The following CTNND2 variants were observed in gnomAD, a reference collection of about 807,000 sequenced individuals.
The protein encoded by CTNND2 is catenin delta-2.
A neutral mutation model predicts 144.4 loss-of-function variants in CTNND2; 22 were observed. That is an observed-to-expected ratio of 0.15 (90% confidence interval 0.11 to 0.22). The LOEUF is 0.22. Among genes scored for constraint, CTNND2 ranks in the 10% least tolerant of loss-of-function variants. The probability of loss-of-function intolerance (pLI) is 1.00; values close to 1 mark genes in which losing one functional copy is unlikely to be tolerated. For missense variants in CTNND2, 1,353 were observed against 1,618.8 expected (o/e 0.84, Z 2.82); for synonymous variants, 751 against 695.6 (o/e 1.08, Z -1.25).
intron 2 of CTNND2, among the ~76,000 whole-genome samples, chr5:11,612,548 A>G (rs576215917): frequency 2.6e-5 from 4 of 152,170 alleles, no homozygotes; most frequent in Non-Finnish European, 5.9e-5. Context: ...ACATAGCTGA[A>G]AGCAACAGCA....
intron 3 of CTNND2, among the ~76,000 whole-genome samples, chr5:11,504,696 C>T (rs539610573): frequency 9.2e-5 from 14 of 152,282 alleles, no homozygotes; most frequent in Admixed American, 4.6e-4. Flanking sequence ...GGAGCTGATG[C>T]TTGCCTTTTT....
intron 2 of CTNND2, among the ~76,000 whole-genome samples, chr5:11,694,758 C>T (rs941008659): frequency 6.6e-6 from 1 of 152,198 alleles, no homozygotes; most frequent in African/African-American, 2.4e-5. Context: ...CTGCATATCT[C>T]TCCTCTCTCC....
intron 16 of CTNND2, among the ~76,000 whole-genome samples, chr5:11,081,278 A>C (rs1425862316): frequency 1.3e-5 from 2 of 152,214 alleles, no homozygotes; most frequent in South Asian, 4.1e-4. Flanking sequence ...GTTAATAATA[A>C]TGTATTTTAT....
intron 2 of CTNND2, among the ~76,000 whole-genome samples, chr5:11,580,208 A>G (rs964249703): frequency 1.1e-4 from 16 of 152,102 alleles, no homozygotes; most frequent in Admixed American, 6.5e-4. Context: ...TACTATCACC[A>G]TTATTATAAC....
chr5:11,346,044 C>T lies in CTNND2; in HGVS notation c.1628+328G>A, dbSNP rs4702799. ...CACTGAGACAATAAAATATGTAGGC[C>T]ATGATATCTGAAGTCAAATGACATA... On this transcript the variant is annotated intron_variant, in intron 9 of 21. Transcript: ENST00000304623. 0.39 allele frequency among the ~76,000 whole-genome samples: 58,895 copies of T among 151,848 alleles called. 11,782 individuals carry two copies. The highest frequency in any genetic ancestry group is 0.5 in the Middle Eastern group (147 of 294).
intron 2 of CTNND2, among the ~76,000 whole-genome samples, chr5:11,601,692 T>C (rs1779805652): frequency 6.6e-6 from 1 of 152,198 alleles, no homozygotes; most frequent in African/African-American, 2.4e-5. Context: ...ACATAAATTA[T>C]CACTTTTGAT....
chr5:11,307,700 T>G (rs1185521780), intron 9 of CTNND2, among the ~76,000 whole-genome samples: 1 of 152,200 alleles, frequency 6.6e-6, no homozygotes, highest in Non-Finnish European at 1.5e-5. Flanking sequence ...TAGAAGATTT[T>G]CAAGACAAAC....
intron 2 of CTNND2, among the ~76,000 whole-genome samples, chr5:11,706,474 G>C (rs1785698647): frequency 2.6e-5 from 4 of 152,000 alleles, no homozygotes; most frequent in Admixed American, 1.3e-4. Flanking sequence ...TCCTTCTTAG[G>C]TATAAAGTTT....
At chr5:11,759,898 A>G (rs1278020975) in intron 1 of CTNND2, among the ~76,000 whole-genome samples, 3 of 152,054 alleles carry the variant, frequency 2.0e-5, no homozygotes, top group Non-Finnish European at 4.4e-5. Context: ...TTGAACTCAC[A>G]TGGCCTATGG....
rs113263160 is a variant in CTNND2 at position 11,848,760 on chromosome 5, T to C, written c.37+55057A>G. ...GCATATGGTATATGTGGATTGTGTATCATGTGAGTCAAATCCTGACCCAAA... is the reference window on the plus strand; with the variant it reads ...GCATATGGTATATGTGGATTGTGTACCATGTGAGTCAAATCCTGACCCAAA... On this transcript the variant is annotated intron_variant, in intron 1 of 21. Coordinates refer to ENST00000304623, the MANE Select transcript of CTNND2 (RefSeq NM_001332.4). Among the ~76,000 whole-genome samples, 585 of 152,264 alleles carry C rather than the reference T, an allele frequency of 3.8e-3. 7 individuals are homozygous for C. Among genetic ancestry groups the C allele is most frequent in the African/African-American group, 0.013 (523 of 41,548 alleles).
At chr5:11,084,264 G>C (rs376677634) in intron 15 of CTNND2, among the ~76,000 whole-genome samples, 6 of 152,322 alleles carry the variant, frequency 3.9e-5, no homozygotes, top group African/African-American at 1.4e-4. Context: ...ATCCGGAACT[G>C]ATATCCCCTC....
intron 8 of CTNND2, among the ~76,000 whole-genome samples, chr5:11,358,820 T>C (rs973415190): frequency 3.3e-5 from 5 of 152,224 alleles, no homozygotes; most frequent in Admixed American, 2.6e-4. Context: ...GTACTTGTCA[T>C]CTTCATGAAG....
At chr5:11,662,216 C>CAT (rs1218316228) in intron 2 of CTNND2, among the ~76,000 whole-genome samples, 9 of 89,418 alleles carry the variant, frequency 1.0e-4, no homozygotes, top group African/African-American at 5.7e-4. Flanking sequence ...TATATATATA[C>CAT]ATATATGTGT....
intron 2 of CTNND2, among the ~76,000 whole-genome samples, chr5:11,603,698 C>G (rs1779917634): frequency 6.6e-6 from 1 of 152,110 alleles, no homozygotes; most frequent in Non-Finnish European, 1.5e-5. Context: ...ATAAACAGTT[C>G]AGAGAAGTCT....
intron 1 of CTNND2, among the ~76,000 whole-genome samples, chr5:11,815,541 G>T (rs1348267400): frequency 6.6e-6 from 1 of 152,054 alleles, no homozygotes; most frequent in Non-Finnish European, 1.5e-5. Flanking sequence ...AACATTAATG[G>T]ATTATAATCC....
chr5:11,366,514 T>C (rs991163821), intron 7 of CTNND2, among the ~76,000 whole-genome samples: 1 of 152,096 alleles, frequency 6.6e-6, no homozygotes, highest in Non-Finnish European at 1.5e-5. Context: ...TTTGCATAAT[T>C]AGGTTCATCG....
intron 1 of CTNND2, among the ~76,000 whole-genome samples, chr5:11,815,705 AGAGT>A (rs1792592786): frequency 1.3e-5 from 2 of 152,170 alleles, no homozygotes; most frequent in South Asian, 4.1e-4. Context: ...AACAGGATGA[AGAGT>A]AGGGTTCTTG....
chr5:11,545,480 G>A (rs1220445376), intron 3 of CTNND2, among the ~76,000 whole-genome samples: 1 of 151,298 alleles, frequency 6.6e-6, no homozygotes, highest in Non-Finnish European at 1.5e-5. Flanking sequence ...TAGCAGTGTG[G>A]CCACACCCTG....
intron 1 of CTNND2, among the ~76,000 whole-genome samples, chr5:11,849,053 A>T (rs1421582328): frequency 6.6e-6 from 1 of 152,188 alleles, no homozygotes; most frequent in Non-Finnish European, 1.5e-5. Flanking sequence ...GGTACTAATA[A>T]AGACATACCC....
Sources: allele counts gnomAD v4.1 joint callset (sites outside exome capture counted in the v4.1 genomes callset), GRCh38; gene constraint gnomAD v4.1.1; transcripts MANE v1.5; gene names NCBI Gene and HGNC (gene_info 2026-07-23, HGNC 2026-07-21).